Variants in CLGN observed in about 807,000 individuals in gnomAD.
The protein encoded by CLGN is testis tissue sperm-binding protein Li 79P.
A neutral mutation model predicts 79.1 loss-of-function variants in CLGN; 62 were observed. The observed-to-expected ratio is 0.78, with a 90% CI of 0.64 to 0.97. The LOEUF is 0.97. CLGN is among the 50% of genes least tolerant of loss of function. CLGN has a pLI of 0.00. For synonymous variants in CLGN, 225 were observed against 224.7 expected (o/e 1.00, Z -0.01); for missense variants, 647 against 715.5 (o/e 0.90, Z 1.09).
intron 1 of CLGN, among the ~76,000 whole-genome samples, chr4:140,424,319 T>G (rs1272108540): frequency 1.3e-5 from 2 of 152,188 alleles, no homozygotes; most frequent in African/African-American, 4.8e-5. Flanking sequence ...GAATTTTTCT[T>G]GTTTTCCTTC....
At chr4:140,396,274 A>T in intron 8 of CLGN, 69 bp from the exon 9 acceptor site, 1 of 1,198,312 alleles carries the variant, frequency 8.3e-7, no homozygotes, top group South Asian at 1.3e-5. Flanking sequence ...AACACTAAGA[A>T]GGTACCATAA....
At position 140,392,682 on chromosome 4, in the gene CLGN, A is replaced by G. The variant is rs1378752659; in HGVS notation, c.1395T>C (p.Ala465=). 1.2e-6 allele frequency: 2 copies of G among 1,608,344 alleles called. No homozygotes were observed. The highest frequency in any genetic ancestry group is 1.3e-5 in the African/African-American group (1 of 74,544). The part of the protein sequence containing the change: ...KPGVLKQLMA[A]AEGHPWLWLI... ...ACCAAAGCCATGGGTGCCCTTCAGC[A>G]GCTGCCATTAACTGTTTTAATACAC... The change falls in exon 12 of 15, where the codon GCT becomes GCC. Residue 465 remains alanine (A), a synonymous_variant. Transcript: ENST00000325617.
chr4:140,406,149 C>A (rs1257292407), intron 4 of CLGN, 66 bp from the exon 5 acceptor site: 2 of 1,455,920 alleles, frequency 1.4e-6, no homozygotes, highest in East Asian at 4.7e-5. Flanking sequence ...TATTTATCAG[C>A]AGTTGTGAAC....
intron 4 of CLGN, 35 bp downstream of exon 4, chr4:140,409,802 A>T: frequency 2.1e-6 from 3 of 1,407,490 alleles, no homozygotes; most frequent in Non-Finnish European, 3.0e-6. Flanking sequence ...TCCAGGCCAT[A>T]CTGGTTATAT....
At chr4:140,400,223 C>T in intron 7 of CLGN, 134 bp downstream of exon 7, 3 of 606,394 alleles carry the variant, frequency 4.9e-6, no homozygotes, top group Non-Finnish European at 8.6e-6. Context: ...TGTCATTATA[C>T]ATGTCCTATT....
Position 140,419,766 on chromosome 4 carries a change from G to T in CLGN, c.-9-6679C>A, listed in dbSNP as rs918152062. Among the ~76,000 whole-genome samples, 7 of 152,156 alleles carry T rather than the reference G, an allele frequency of 4.6e-5. No individual in the cohort carries two copies. In the South Asian group the frequency reaches 8.3e-4, roughly 18 times the overall value. ...AAATGATGGGTGCTGTCATTAACTA[G>T]GATTTGATCTCTCTAAATCACAAAA... On this transcript the variant is annotated intron_variant, in intron 1 of 14. Transcript: ENST00000325617.
chr4:140,396,842 G>T (rs538735613), intron 8 of CLGN, among the ~76,000 whole-genome samples: 8 of 144,758 alleles, frequency 5.5e-5, no homozygotes, highest in African/African-American at 2.0e-4. Flanking sequence ...ACAGGCATGA[G>T]CCACCATGCC....
chr4:140,425,798 T>C (rs1729556786), intron 1 of CLGN, among the ~76,000 whole-genome samples: 1 of 151,736 alleles, frequency 6.6e-6, no homozygotes, highest in African/African-American at 2.4e-5. Flanking sequence ...CCGGCTAATT[T>C]TTGTATTTTT....
chr4:140,389,304 T>A lies in CLGN; in HGVS notation c.1753A>T (p.Met585Leu), dbSNP rs1343543849. Residue 585 changes from methionine to leucine, a missense_variant and splice_region_variant, in exon 15 of 15, where the codon ATG (methionine) becomes TTG (leucine). Transcript: ENST00000325617. ...CCTGTGCTCTCATCTGCTTCTTTCA[T>A]CTAGAAAAAATAATTATGAAAAGGT... ...QSNKSGSEDE[M>L]KEADESTGSG... 1 of 1,610,936 alleles carries A rather than the reference T, an allele frequency of 6.2e-7. No individual in the cohort carries two copies. Among genetic ancestry groups the A allele is most frequent in the Admixed American group, 1.7e-5 (1 of 59,914 alleles).
chr4:140,413,949 A>G lies in CLGN; in HGVS notation c.-9-862T>C, dbSNP rs565477800. ...ATAGCAGTAACCTCTGCAGACTTAA[A>G]CGTCCCTGTCTGACAGCTTTGAAGA... On this transcript the variant is annotated intron_variant, in intron 1 of 14. Coordinates refer to ENST00000325617, the MANE Select transcript of CLGN (RefSeq NM_004362.3). 3.7e-3 allele frequency among the ~76,000 whole-genome samples: 568 copies of G among 152,346 alleles called. 4 individuals are homozygous for G. The highest frequency in any genetic ancestry group is 0.012 in the South Asian group (59 of 4,832).
intron 1 of CLGN, among the ~76,000 whole-genome samples, chr4:140,427,013 C>G (rs1479199121): frequency 1.3e-5 from 2 of 152,164 alleles, no homozygotes; most frequent in Non-Finnish European, 2.9e-5. Context: ...CTGAGACAGC[C>G]GAGCCTATTT....
chr4:140,394,133 ATGCT>A, intron 10 of CLGN, 92 bp from the exon 11 acceptor site: 1 of 826,958 alleles, frequency 1.2e-6, no homozygotes, highest in Admixed American at 2.6e-5. Flanking sequence ...GAAATTCGCA[ATGCT>A]AACTGGAAAA....
intron 1 of CLGN, among the ~76,000 whole-genome samples, chr4:140,424,968 C>G (rs968734921): frequency 3.9e-5 from 6 of 152,234 alleles, no homozygotes; most frequent in African/African-American, 1.4e-4. Flanking sequence ...TCCTAAAAAC[C>G]CTACTGGATC....
At chr4:140,404,186 C>T (rs1364409475) in intron 5 of CLGN, among the ~76,000 whole-genome samples, 15 of 151,906 alleles carry the variant, frequency 9.9e-5, no homozygotes, top group South Asian at 4.2e-4. Context: ...CCCTGCCTCC[C>T]GGGTTCACGC....
At chr4:140,392,415 A>G (rs1728792398) in intron 12 of CLGN, 37 bp from the exon 13 acceptor site, 7 of 1,561,024 alleles carry the variant, frequency 4.5e-6, no homozygotes, top group East Asian at 2.2e-5. Context: ...TACTAAAGGC[A>G]GAGTGCTATT....
chr4:140,399,185 A>T, intron 7 of CLGN, 145 bp from the exon 8 acceptor site: 1 of 584,844 alleles, frequency 1.7e-6, no homozygotes, highest in East Asian at 3.2e-5. Flanking sequence ...GTATTGAACT[A>T]AAACATTCTA....
At chr4:140,416,406 T>TG (rs1729332070) in intron 1 of CLGN, among the ~76,000 whole-genome samples, 1 of 144,954 alleles carries the variant, frequency 6.9e-6, no homozygotes, top group African/African-American at 2.6e-5. Context: ...AATTAATGAA[T>TG]CCAGGAGCTG....
chr4:140,424,409 A>G (rs143996441), intron 1 of CLGN, among the ~76,000 whole-genome samples: 61 of 152,238 alleles, frequency 4.0e-4, no homozygotes, highest in African/African-American at 1.4e-3. Flanking sequence ...ATTCATTAAG[A>G]CTTGTTTTGT....
intron 1 of CLGN, among the ~76,000 whole-genome samples, chr4:140,414,950 G>A (rs1262694047): frequency 6.6e-6 from 1 of 150,904 alleles, no homozygotes. Context: ...CAGCCAGAGA[G>A]AAAGGTCGGG....
Sources: gnomAD v4.1 joint callset for allele counts (sites outside exome capture counted in the v4.1 genomes callset) on GRCh38, gnomAD v4.1.1 for gene constraint, MANE v1.5 for transcripts, NCBI Gene and HGNC (gene_info 2026-07-23, HGNC 2026-07-21) for gene names.